PDCD6IP: variants seen among roughly 807,000 people sequenced by gnomAD.
The protein encoded by PDCD6IP is programmed cell death 6-interacting protein.
PDCD6IP carries 43 observed loss-of-function variants against 103.7 expected under a neutral mutation model. The observed-to-expected ratio is 0.41, with a 90% CI of 0.32 to 0.53. The LOEUF is 0.53. Ranked by LOEUF, PDCD6IP falls within the 20% of genes least tolerant of loss-of-function variation. The probability of loss-of-function intolerance (pLI) is 0.16; values close to 1 mark genes in which losing one functional copy is unlikely to be tolerated. For synonymous variants in PDCD6IP, 354 were observed against 378.7 expected (o/e 0.93, Z 0.76); for missense variants, 871 against 1,036.7 (o/e 0.84, Z 2.20).
chr3:33,849,679 A>C (rs1486920010), intron 12 of PDCD6IP, among the ~76,000 whole-genome samples: 2 of 152,220 alleles, frequency 1.3e-5, no homozygotes, highest in African/African-American at 4.8e-5. Flanking sequence ...TAAACCTCAA[A>C]TTTGAATTTA....
At chr3:33,831,871 T>A (rs1308465472) in intron 7 of PDCD6IP, among the ~76,000 whole-genome samples, 1 of 152,172 alleles carries the variant, frequency 6.6e-6, no homozygotes, top group Non-Finnish European at 1.5e-5. Context: ...CATATAACAA[T>A]GTATCCTGAA....
intron 8 of PDCD6IP, among the ~76,000 whole-genome samples, chr3:33,837,946 A>G (rs1559787516): frequency 6.6e-6 from 1 of 152,236 alleles, no homozygotes; most frequent in Non-Finnish European, 1.5e-5. Flanking sequence ...AAACTCAGTG[A>G]TGAACACATC....
In PDCD6IP at chr3:33,868,812, G is replaced by A. The variant is rs1698123595; in HGVS notation, c.*2287G>A. Reference sequence around the variant, plus strand: ...TTGGAATACTATTTTAAACTGGATTGTACTTAAATAATGAAGCTCTGCATA... The same window carrying A: ...TTGGAATACTATTTTAAACTGGATTATACTTAAATAATGAAGCTCTGCATA... On this transcript the variant is annotated 3_prime_UTR_variant, in exon 18 of 18. Coordinates refer to ENST00000307296, the MANE Select transcript of PDCD6IP (RefSeq NM_013374.6). The A allele has an allele frequency of 6.6e-6, 1 of 152,154 alleles. No homozygotes were observed. The highest frequency in any genetic ancestry group is 1.5e-5 in the Non-Finnish European group (1 of 68,018). The allele number at this position is 152,154 out of a possible 1,614,324, so 9.4% of individuals were successfully genotyped here.
intron 3 of PDCD6IP, 32 bp downstream of exon 3, chr3:33,813,660 AT>A: frequency 7.8e-7 from 1 of 1,276,986 alleles, no homozygotes; most frequent in Non-Finnish European, 1.1e-6. Context: ...TGATAGGAAA[AT>A]TGGTCTAACT....
At chr3:33,857,601 C>G (rs1307952280) in intron 15 of PDCD6IP, among the ~76,000 whole-genome samples, 2 of 151,976 alleles carry the variant, frequency 1.3e-5, no homozygotes, top group Non-Finnish European at 2.9e-5. Context: ...GTCACCAGGA[C>G]GTTAAAAAAT....
chr3:33,826,683 T>TA, intron 6 of PDCD6IP, 103 bp downstream of exon 6: 1 of 1,512,450 alleles, frequency 6.6e-7, no homozygotes, highest in Non-Finnish European at 8.9e-7. Context: ...AATTTGAAGT[T>TA]TTAATAGAGT....
chr3:33,850,055 C>A (rs542458880), intron 12 of PDCD6IP, among the ~76,000 whole-genome samples: 4 of 152,232 alleles, frequency 2.6e-5, no homozygotes, highest in Admixed American at 1.3e-4. Flanking sequence ...TCTTCCTAAT[C>A]TAAGTAATAT....
At chr3:33,823,714 G>A (rs1352141768) in intron 4 of PDCD6IP, among the ~76,000 whole-genome samples, 2 of 152,280 alleles carry the variant, frequency 1.3e-5, no homozygotes, top group African/African-American at 2.4e-5. Flanking sequence ...CCGAGGAGGC[G>A]GAGGTTGCAG....
At chr3:33,866,136 T>C (rs1698058500) in intron 17 of PDCD6IP, among the ~76,000 whole-genome samples, 1 of 152,190 alleles carries the variant, frequency 6.6e-6, no homozygotes, top group African/African-American at 2.4e-5. Context: ...TTTTGGATAG[T>C]ATTAAACACT....
At chr3:33,810,243 C>T (rs1696685801) in intron 1 of PDCD6IP, among the ~76,000 whole-genome samples, 1 of 152,102 alleles carries the variant, frequency 6.6e-6, no homozygotes. Flanking sequence ...CCCTATTCAC[C>T]TGTTTATTTA....
chr3:33,843,798 G>A (rs1697527334), intron 10 of PDCD6IP, among the ~76,000 whole-genome samples: 1 of 150,132 alleles, frequency 6.7e-6, no homozygotes, highest in African/African-American at 2.4e-5. Context: ...TTTTGTTTAT[G>A]GCTTCTATTT....
At chr3:33,812,235 G>C (rs1182302248) in intron 2 of PDCD6IP, 109 bp downstream of exon 2, 4 of 1,413,624 alleles carry the variant, frequency 2.8e-6, no homozygotes, top group Non-Finnish European at 3.7e-6. Context: ...AAAAATAGGA[G>C]CTTTTAGATC....
intron 3 of PDCD6IP, among the ~76,000 whole-genome samples, 159 bp from the exon 4 acceptor site, chr3:33,821,796 G>A (rs1696997157): frequency 6.6e-6 from 1 of 152,242 alleles, no homozygotes. Context: ...TGTAAGGGCA[G>A]CTTGAAATAT....
rs1363464661 is a variant in PDCD6IP, at chr3:33,845,410, T to G, written c.1472-9T>G. The G allele has an allele frequency of 1.2e-6, 2 of 1,607,082 alleles. No individual in the cohort carries two copies. Among genetic ancestry groups the G allele is most frequent in the East Asian group, 2.2e-5 (1 of 44,714 alleles). On this transcript the variant is annotated splice_polypyrimidine_tract_variant and intron_variant, in intron 11 of 17. Transcript: ENST00000307296. ...CTTCTGTGCTCTGCAAACTTTTATT[T>G]TCTCCCAGAGGGAACCAACTTCAGA...
At position 33,865,365 on chromosome 3, in the gene PDCD6IP, G is replaced by A. The variant is rs58695599; in HGVS notation, c.2367G>A (p.Thr789=). 4,274 of 1,600,462 alleles carry A rather than the reference G, an allele frequency of 2.7e-3. 119 individuals are homozygous for A. In the African/African-American group the frequency reaches 0.051, roughly 19 times the overall value. Residue 789 remains threonine (T), a synonymous_variant, in exon 17 of 18, where the codon ACG becomes ACA. Transcript: ENST00000307296. ...AGTAAPAPSQ[T]PGSAPPPQAQ... ...CTGCTGCGCCAGCTCCATCACAAACGCCTGGCTCAGCTCCTCCTCCACAGG... is the reference window on the plus strand; with the variant it reads ...CTGCTGCGCCAGCTCCATCACAAACACCTGGCTCAGCTCCTCCTCCACAGG...
intron 8 of PDCD6IP, 107 bp from the exon 9 acceptor site, chr3:33,838,093 CAATA>C (rs1697390164): frequency 1.1e-5 from 10 of 938,502 alleles, no homozygotes; most frequent in Admixed American, 5.2e-5. Flanking sequence ...TGTCAATAGA[CAATA>C]AATATTTATA....
chr3:33,862,665 T>A (rs1313040961), intron 15 of PDCD6IP, among the ~76,000 whole-genome samples: 1 of 152,240 alleles, frequency 6.6e-6, no homozygotes, highest in African/African-American at 2.4e-5. Flanking sequence ...TCTTTGAATA[T>A]CTTCAGGAAG....
intron 13 of PDCD6IP, among the ~76,000 whole-genome samples, chr3:33,853,025 G>A (rs9855585): frequency 0.11 from 16,516 of 150,832 alleles, 980 homozygotes; most frequent in African/African-American, 0.14. Context: ...CCGGGTTCAC[G>A]CCATTCTCCC....
intron 1 of PDCD6IP, among the ~76,000 whole-genome samples, chr3:33,809,711 T>A (rs1696675378): frequency 6.6e-6 from 1 of 152,228 alleles, no homozygotes; most frequent in Admixed American, 6.5e-5. Flanking sequence ...CAGGATCTAA[T>A]CTAGAATCAT....
Sources: allele counts gnomAD v4.1 joint callset (sites outside exome capture counted in the v4.1 genomes callset), GRCh38; gene constraint gnomAD v4.1.1; transcripts MANE v1.5; gene names NCBI Gene and HGNC (gene_info 2026-07-23, HGNC 2026-07-21).